BRCA1: variants seen among roughly 807,000 people sequenced by gnomAD.
The protein encoded by BRCA1 is BRCA1 DNA repair associated, also known as breast cancer type 1 susceptibility protein.
BRCA1 carries 140 observed loss-of-function variants against 173.7 expected under a neutral mutation model. That is an observed-to-expected ratio of 0.81 (90% CI 0.70 to 0.93). The LOEUF is 0.93. Ranked by LOEUF, BRCA1 falls within the 40% of genes least tolerant of loss-of-function variation. The pLI, the probability that BRCA1 is intolerant of heterozygous loss-of-function variation, is 0.00. For synonymous variants in BRCA1, 662 were observed against 756.0 expected, an observed-to-expected ratio of 0.88 and a Z score of 2.04; for missense variants, 1,983 against 2,172.5, an observed-to-expected ratio of 0.91 and a Z score of 1.73.
chr17:43,059,469 C>CACAACAAAA (rs1352038439), intron 18 of BRCA1, among the ~76,000 whole-genome samples: 3 of 147,440 alleles, frequency 2.0e-5, no homozygotes, highest in Non-Finnish European at 4.5e-5. Flanking sequence ...GAGATGCTGT[C>CACAACAAAA]ACAACAACAA....
chr17:43,072,413 T>A (rs1035771275), intron 14 of BRCA1, among the ~76,000 whole-genome samples: 17 of 151,784 alleles, frequency 1.1e-4, no homozygotes, highest in African/African-American at 3.9e-4. Flanking sequence ...GGTAATATTT[T>A]TTTTTTTGAG....
intron 18 of BRCA1, among the ~76,000 whole-genome samples, chr17:43,061,148 C>CA (rs1389517308): frequency 1.3e-5 from 2 of 151,866 alleles, no homozygotes; most frequent in Non-Finnish European, 2.9e-5. Flanking sequence ...ATACAGAAAT[C>CA]AAAAAACCAC....
intron 19 of BRCA1, among the ~76,000 whole-genome samples, chr17:43,053,070 G>T (rs1374950728): frequency 6.6e-6 from 1 of 151,854 alleles, no homozygotes; most frequent in East Asian, 1.9e-4. Flanking sequence ...TAGAAACGGG[G>T]TTTCACTATG....
chr17:43,150,734 A>G (rs1003089630), intron 1 of BRCA1, among the ~76,000 whole-genome samples: 6 of 151,428 alleles, frequency 4.0e-5, no homozygotes, highest in African/African-American at 1.5e-4. Context: ...AGCTCTAGCT[A>G]AAAAAAAACA....
Position 43,099,711 on chromosome 17 carries a change from C to G in BRCA1, c.547+64G>C, listed in dbSNP as rs144033340. On this transcript the variant is annotated intron_variant, in intron 7 of 22. Transcript: ENST00000357654. ...TACAAATTATGACCAAGATTTTTGG[C>G]AAAACTATAAGATAAGGAATCCAGC... 298 of 1,438,742 alleles carry G rather than the reference C, an allele frequency of 2.1e-4. No individual in the cohort carries two copies. The African/African-American group carries it at 3.7e-3, about 18-fold the overall frequency. The allele number at this position is 1,438,742 out of a possible 1,614,324, so 89.1% of individuals were successfully genotyped here. A position where few individuals can be genotyped will look rare whatever the true frequency, so the allele number is the denominator to read the frequency against.
Position 43,103,466 on chromosome 17 carries a change from C to CAA in BRCA1, c.441+654_441+655dup, listed in dbSNP as rs900598227. Among the ~76,000 whole-genome samples, 468 of 64,642 alleles carry CAA rather than the reference C, an allele frequency of 7.2e-3. 2 individuals are homozygous for CAA. The highest frequency in any genetic ancestry group is 0.022 in the African/African-American group (428 of 19,282). 42.4% of individuals were successfully genotyped at this position (64,642 alleles called of 152,430 possible). On this transcript the variant is annotated intron_variant, in intron 6 of 22. Transcript: ENST00000357654. The stretch of plus-strand genomic sequence containing the variant: ...TGGGCGACAGAGCGAGACTCTGTCT[C>CAA]AAAAAAAAAAAAAAAAAAGAAATCT...
At position 43,099,857 on chromosome 17, in the gene BRCA1, T is replaced by A. The variant is rs864622260; in HGVS notation, c.465A>T (p.Gln155His). 1 of 1,613,392 alleles carries A rather than the reference T, an allele frequency of 6.2e-7. No homozygotes were observed. The highest frequency in any genetic ancestry group is 1.7e-5 in the Admixed American group (1 of 59,988). ...PSLQETSLSV[Q>H]LSNLGTVRTL... ...TTCTCACAGTTCCAAGGTTAGAGAG[T>A]TGGACACTGAGACTGGTTTCCTGCT... Residue 155 changes from glutamine to histidine, a missense_variant, in exon 7 of 23, where the codon CAA becomes CAT. Gln to His is a conservative substitution (Grantham distance 24). Transcript: ENST00000357654.
chr17:43,133,637 C>CCT (rs2055990428), intron 1 of BRCA1, among the ~76,000 whole-genome samples: 1 of 138,694 alleles, frequency 7.2e-6, no homozygotes, highest in South Asian at 2.3e-4. Context: ...TTTTCACTTC[C>CCT]TTTTTTTTTT....
rs80357401 is a variant in BRCA1 at position 43,070,933 on chromosome 17, C to T, written c.4981G>A (p.Glu1661Lys). Residue 1661 changes from glutamate to lysine, a missense_variant, in exon 15 of 23, where the codon GAA becomes AAA. Glu to Lys is a moderately conservative substitution (Grantham distance 56). Coordinates refer to ENST00000357654, the MANE Select transcript of BRCA1 (RefSeq NM_007294.4). The stretch of plus-strand genomic sequence containing the variant: ...ATACATATGGATACACTCACAAATT[C>T]TTCTGGGGTCAGGCCAGACACCACC... ...SMVVSGLTPEEFMLVYKFARK... is the reference protein window; with the variant it reads ...SMVVSGLTPEKFMLVYKFARK... 6.2e-7 allele frequency: 1 copy of T among 1,614,132 alleles called. No individual in the cohort carries two copies. Among genetic ancestry groups the T allele is most frequent in the Non-Finnish European group, 8.5e-7 (1 of 1,180,034 alleles).
At chr17:43,048,816 C>T (rs1177437244) in intron 21 of BRCA1, among the ~76,000 whole-genome samples, 1 of 151,998 alleles carries the variant, frequency 6.6e-6, no homozygotes, top group African/African-American at 2.4e-5. Context: ...CCATGCCCAG[C>T]CTCCAGCCCA....
intron 2 of BRCA1, among the ~76,000 whole-genome samples, chr17:43,116,078 T>C (rs2055282602): frequency 6.6e-6 from 1 of 152,218 alleles, no homozygotes; most frequent in Non-Finnish European, 1.5e-5. Flanking sequence ...TTCGTACGAA[T>C]TCATTTCCAG....
At chr17:43,155,199 T>C (rs2056189110) in intron 1 of BRCA1, among the ~76,000 whole-genome samples, 1 of 152,150 alleles carries the variant, frequency 6.6e-6, no homozygotes, top group African/African-American at 2.4e-5. Flanking sequence ...AGACAGAGTC[T>C]CACTCTGTCA....
chr17:43,098,983 ATTTTTT>A, intron 7 of BRCA1, among the ~76,000 whole-genome samples: 1 of 130,490 alleles, frequency 7.7e-6, no homozygotes, highest in Non-Finnish European at 1.7e-5. Flanking sequence ...ACCCCGGCTA[ATTTTTT>A]TTTTTTTTTT....
chr17:43,078,887 G>A (rs1396099520), intron 12 of BRCA1, among the ~76,000 whole-genome samples: 2 of 152,066 alleles, frequency 1.3e-5, no homozygotes, highest in East Asian at 1.9e-4. Flanking sequence ...CATATCAAAC[G>A]GAATTAACCA....
intron 21 of BRCA1, 105 bp downstream of exon 21, chr17:43,049,016 T>G: frequency 9.0e-7 from 1 of 1,111,286 alleles, no homozygotes; most frequent in Non-Finnish European, 1.4e-6. Flanking sequence ...CAGAGAAGAC[T>G]TCTGAGGCTA....
chr17:43,048,225 C>G (rs540613262), intron 21 of BRCA1, among the ~76,000 whole-genome samples: 1 of 151,830 alleles, frequency 6.6e-6, no homozygotes, highest in Admixed American at 6.6e-5. Flanking sequence ...TTTTTTGAGA[C>G]GGAGTCTCGC....
At chr17:43,143,181 T>C (rs1011715993) in intron 1 of BRCA1, among the ~76,000 whole-genome samples, 6 of 151,682 alleles carry the variant, frequency 4.0e-5, no homozygotes, top group African/African-American at 1.5e-4. Flanking sequence ...CCTCAGGTGA[T>C]CCGCCTGCCT....
chr17:43,135,640 A>G (rs2056014241), intron 1 of BRCA1, among the ~76,000 whole-genome samples: 1 of 152,148 alleles, frequency 6.6e-6, no homozygotes, highest in Non-Finnish European at 1.5e-5. Context: ...CGAACAGTCC[A>G]TAGGGCGGCG....
At position 43,113,362 on chromosome 17, in the gene BRCA1, ATTTTC is replaced by A. The variant is rs139811854; in HGVS notation, c.134+2359_134+2363del. Among the ~76,000 whole-genome samples the A allele has an allele frequency of 0.1, 15,714 of 150,932 alleles. 2,502 individuals are homozygous for A. Among genetic ancestry groups the A allele is most frequent in the African/African-American group, 0.35 (14,190 of 41,020 alleles). On this transcript the variant is annotated intron_variant, in intron 3 of 22. Coordinates refer to ENST00000357654, the MANE Select transcript of BRCA1 (RefSeq NM_007294.4). The stretch of plus-strand genomic sequence containing the variant: ...AAGTTAGCTTATTTTTCCTGGATGT[ATTTTC>A]TTTTCTTTTCTTTTTTTTCAGACAG...
Sources: allele counts gnomAD v4.1 joint callset (sites outside exome capture counted in the v4.1 genomes callset), GRCh38; gene constraint gnomAD v4.1.1; transcripts MANE v1.5; gene names NCBI Gene and HGNC (gene_info 2026-07-23, HGNC 2026-07-21).